Variants in OTUD7A observed in about 807,000 individuals in gnomAD.
The protein encoded by OTUD7A is OTU domain-containing protein 7A.
Under a neutral mutation model 65.7 loss-of-function variants are expected in OTUD7A, and 12 were observed. The observed-to-expected ratio is 0.18, with a 90% CI of 0.12 to 0.30. The LOEUF is 0.30. OTUD7A is among the 10% of genes least tolerant of loss of function. The pLI, the probability that OTUD7A is intolerant of heterozygous loss-of-function variation, is 1.00. For synonymous variants in OTUD7A, 641 were observed against 586.3 expected (o/e 1.09, Z -1.35); for missense variants, 1,148 against 1,304.8 (o/e 0.88, Z 1.85).
intron 1 of OTUD7A, among the ~76,000 whole-genome samples, chr15:31,660,203 G>C (rs947233568): frequency 2.0e-5 from 3 of 152,246 alleles, no homozygotes; most frequent in African/African-American, 7.2e-5. Context: ...CGTTCATCTT[G>C]TCCGGCCTGG....
chr15:31,767,857 C>T lies in OTUD7A; in HGVS notation c.-100+102650G>A, dbSNP rs138980415. 3.2e-5 allele frequency: 35 copies of T among 1,078,522 alleles called. No homozygotes were observed. In the African/African-American group the frequency reaches 4.3e-4, roughly 13 times the overall value. The allele number at this position is 1,078,522 out of a possible 1,614,324, so 66.8% of individuals were successfully genotyped here. A position where few individuals can be genotyped will look rare whatever the true frequency, so the allele number is the denominator to read the frequency against. On this transcript the variant is annotated intron_variant, in intron 1 of 12. Transcript: ENST00000307050. ...TGCTGTTTTTTCTCAATTCTGGATG[C>T]CTTCGTGGTAGAGTTTTAAGTGGCA...
chr15:31,544,205 C>T (rs912369107), intron 5 of OTUD7A, among the ~76,000 whole-genome samples: 39 of 151,650 alleles, frequency 2.6e-4, no homozygotes, highest in African/African-American at 8.7e-4. Flanking sequence ...AAAAATATTA[C>T]ATTCCAAAAT....
At chr15:31,529,138 C>A (rs774863942) in intron 6 of OTUD7A, among the ~76,000 whole-genome samples, 1 of 152,198 alleles carries the variant, frequency 6.6e-6, no homozygotes, top group Non-Finnish European at 1.5e-5. Context: ...GCTGCAGTTG[C>A]TGAGGGACAA....
intron 10 of OTUD7A, among the ~76,000 whole-genome samples, chr15:31,491,503 C>A (rs1015513879): frequency 2.0e-5 from 3 of 152,150 alleles, no homozygotes; most frequent in African/African-American, 7.2e-5. Context: ...AACACAGCAT[C>A]TAAGAGCTGT....
intron 3 of OTUD7A, among the ~76,000 whole-genome samples, chr15:31,602,466 G>C (rs1890106754): frequency 6.6e-6 from 1 of 152,114 alleles, no homozygotes; most frequent in African/African-American, 2.4e-5. Context: ...AAAATATTAA[G>C]AGCTATTTAT....
intron 1 of OTUD7A, among the ~76,000 whole-genome samples, chr15:31,781,318 C>T (rs1337759970): frequency 6.6e-6 from 1 of 152,128 alleles, no homozygotes; most frequent in Non-Finnish European, 1.5e-5. Context: ...GTAGAGGCCA[C>T]ATGTGAGCAC....
chr15:31,684,708 T>A (rs955504123), intron 1 of OTUD7A, among the ~76,000 whole-genome samples: 1 of 143,534 alleles, frequency 7.0e-6, no homozygotes, highest in African/African-American at 2.5e-5. Flanking sequence ...GTGAGAAGAG[T>A]CAGAGAGAGC....
intron 1 of OTUD7A, among the ~76,000 whole-genome samples, chr15:31,722,008 G>A (rs1456696854): frequency 6.6e-6 from 1 of 152,242 alleles, no homozygotes; most frequent in African/African-American, 2.4e-5. Flanking sequence ...AGGAGAAGAG[G>A]CGGGGTCTGC....
intron 1 of OTUD7A, among the ~76,000 whole-genome samples, chr15:31,807,690 C>T (rs1046095454): frequency 6.6e-6 from 1 of 152,144 alleles, no homozygotes; most frequent in Non-Finnish European, 1.5e-5. Flanking sequence ...TTAAAACCAT[C>T]AGCAGAGCCC....
intron 6 of OTUD7A, among the ~76,000 whole-genome samples, chr15:31,530,480 T>C (rs565985974): frequency 3.0e-4 from 46 of 152,190 alleles, no homozygotes; most frequent in Admixed American, 1.9e-3. Flanking sequence ...CCTCCTTCTA[T>C]CACGCCAGGT....
intron 1 of OTUD7A, among the ~76,000 whole-genome samples, chr15:31,821,438 C>T (rs1374896675): frequency 6.6e-6 from 1 of 151,762 alleles, no homozygotes; most frequent in Admixed American, 6.6e-5. Flanking sequence ...GCCACTGAGC[C>T]CAGCCCAGTT....
intron 1 of OTUD7A, among the ~76,000 whole-genome samples, chr15:31,690,341 T>C (rs2141316952): frequency 6.6e-6 from 1 of 152,186 alleles, no homozygotes; most frequent in South Asian, 2.1e-4. Context: ...TGGTCCTTTA[T>C]TAAGTTTTAA....
intron 1 of OTUD7A, among the ~76,000 whole-genome samples, chr15:31,858,493 T>C (rs1006795760): frequency 4.6e-5 from 7 of 152,150 alleles, no homozygotes; most frequent in Non-Finnish European, 8.8e-5. Context: ...GGGACCCACC[T>C]TGCAGAACAG....
intron 3 of OTUD7A, among the ~76,000 whole-genome samples, chr15:31,651,039 A>G (rs35672129): frequency 2.1e-3 from 250 of 118,022 alleles, no homozygotes; most frequent in Middle Eastern, 4.1e-3. Flanking sequence ...CTGAATCTGA[A>G]TAACAGACAA....
intron 8 of OTUD7A, among the ~76,000 whole-genome samples, chr15:31,505,208 G>T (rs910198457): frequency 1.3e-5 from 2 of 152,056 alleles, no homozygotes; most frequent in African/African-American, 4.8e-5. Flanking sequence ...TGTTTTGATT[G>T]GTTAGTAACT....
At chr15:31,722,474 T>C (rs1010264795) in intron 1 of OTUD7A, among the ~76,000 whole-genome samples, 2 of 152,350 alleles carry the variant, frequency 1.3e-5, no homozygotes, top group Admixed American at 1.3e-4. Context: ...AATCGCAGGT[T>C]TGCAAACACA....
intron 3 of OTUD7A, among the ~76,000 whole-genome samples, chr15:31,652,350 T>G (rs1030202525): frequency 6.6e-6 from 1 of 152,218 alleles, no homozygotes; most frequent in Non-Finnish European, 1.5e-5. Context: ...CTCAAATGGA[T>G]CATAGATCTA....
At chr15:31,796,044 G>C (rs948675386) in intron 1 of OTUD7A, among the ~76,000 whole-genome samples, 1 of 152,166 alleles carries the variant, frequency 6.6e-6, no homozygotes, top group African/African-American at 2.4e-5. Context: ...AGATGCACTA[G>C]AAGCAGAGAG....
intron 1 of OTUD7A, among the ~76,000 whole-genome samples, chr15:31,728,846 A>C (rs1387938367): frequency 1.3e-5 from 2 of 152,184 alleles, no homozygotes; most frequent in Non-Finnish European, 2.9e-5. Context: ...GTAGGGATGG[A>C]CTATGTCTGT....
Sources: gnomAD v4.1 joint callset for allele counts (sites outside exome capture counted in the v4.1 genomes callset) on GRCh38, gnomAD v4.1.1 for gene constraint, MANE v1.5 for transcripts, NCBI Gene and HGNC (gene_info 2026-07-23, HGNC 2026-07-21) for gene names.